Variants in NRXN1 observed in about 807,000 individuals in gnomAD.
NRXN1 encodes the protein neurexin-1.
NRXN1 carries 39 observed loss-of-function variants against 150.9 expected under a neutral mutation model. That is an observed-to-expected ratio of 0.26 (90% CI 0.20 to 0.34). The LOEUF (loss-of-function observed/expected upper bound fraction) is 0.34, where lower values mean the gene tolerates loss of function less well. NRXN1 is among the 10% of genes least tolerant of loss of function. The pLI, the probability that NRXN1 is intolerant of heterozygous loss-of-function variation, is 1.00. For synonymous variants in NRXN1, 924 were observed against 757.0 expected, an observed-to-expected ratio of 1.22 and a Z score of -3.62; for missense variants, 1,815 against 1,949.9, an observed-to-expected ratio of 0.93 and a Z score of 1.30.
At chr2:50,723,731 G>A (rs1267062101) in intron 5 of NRXN1, among the ~76,000 whole-genome samples, 3 of 152,148 alleles carry the variant, frequency 2.0e-5, no homozygotes, top group Admixed American at 6.5e-5. Flanking sequence ...TGCAGCCTGG[G>A]CTGCAGACAC....
intron 21 of NRXN1, among the ~76,000 whole-genome samples, chr2:49,946,420 C>T (rs1672898795): frequency 6.6e-6 from 1 of 152,060 alleles, no homozygotes; most frequent in African/African-American, 2.4e-5. Flanking sequence ...CTTTTGTTGC[C>T]ACTGCTTTTT....
intron 5 of NRXN1, among the ~76,000 whole-genome samples, chr2:50,776,807 A>T (rs1343606262): frequency 2.0e-5 from 3 of 152,008 alleles, no homozygotes; most frequent in Non-Finnish European, 2.9e-5. Context: ...ACTCTGAAAG[A>T]AATTTTATTC....
chr2:50,367,364 T>C (rs1348131429), intron 17 of NRXN1, among the ~76,000 whole-genome samples: 1 of 152,036 alleles, frequency 6.6e-6, no homozygotes, highest in Admixed American at 6.6e-5. Context: ...TGTGGGCTTA[T>C]TAGTAAGAAA....
chr2:50,744,689 T>G (rs1699812750), intron 5 of NRXN1, among the ~76,000 whole-genome samples: 1 of 152,138 alleles, frequency 6.6e-6, no homozygotes, highest in Non-Finnish European at 1.5e-5. Context: ...AGAGAGATAT[T>G]ACCTGTTTAA....
intron 2 of NRXN1, chr2:51,026,548 A>C: frequency 1.1e-6 from 1 of 930,226 alleles, no homozygotes; most frequent in Non-Finnish European, 1.7e-6. Flanking sequence ...GAACCACAGA[A>C]ATTACAACTT....
intron 18 of NRXN1, among the ~76,000 whole-genome samples, chr2:50,120,235 T>A (rs1387772057): frequency 6.6e-6 from 1 of 151,952 alleles, no homozygotes. Context: ...ATTAAAATTT[T>A]AAAAAATGGT....
chr2:50,497,302 T>C (rs2091690551), intron 14 of NRXN1, 31 bp downstream of exon 14: 2 of 1,428,018 alleles, frequency 1.4e-6, no homozygotes, highest in African/African-American at 2.8e-5. Flanking sequence ...CAAAGTTTTA[T>C]TTATTTGCTA....
chr2:50,873,360 G>T (rs575348961), intron 5 of NRXN1, among the ~76,000 whole-genome samples: 12 of 151,688 alleles, frequency 7.9e-5, no homozygotes, highest in Non-Finnish European at 1.6e-4. Flanking sequence ...TGTGCTTTGG[G>T]GTAATTGCTA....
intron 2 of NRXN1, among the ~76,000 whole-genome samples, chr2:50,966,958 G>A (rs1235257306): frequency 1.3e-5 from 2 of 151,988 alleles, no homozygotes; most frequent in South Asian, 2.1e-4. Flanking sequence ...TGCAGGCTTT[G>A]CTTTGGCAAA....
intron 21 of NRXN1, among the ~76,000 whole-genome samples, chr2:50,033,985 A>C (rs1473354451): frequency 1.3e-5 from 2 of 151,100 alleles, no homozygotes; most frequent in African/African-American, 2.4e-5. Context: ...AAAAAAAAAA[A>C]CAAACAGCAG....
intron 5 of NRXN1, among the ~76,000 whole-genome samples, chr2:50,626,826 A>G (rs139634988): frequency 4.6e-4 from 70 of 152,038 alleles, no homozygotes; most frequent in Non-Finnish European, 8.5e-4. Context: ...TGGAGAAAAT[A>G]TTTTCACTTC....
chr2:50,730,521 G>C (rs1697956198), intron 5 of NRXN1, among the ~76,000 whole-genome samples: 1 of 152,052 alleles, frequency 6.6e-6, no homozygotes, highest in Non-Finnish European at 1.5e-5. Flanking sequence ...CCTGCTTGTT[G>C]ACTAGTGCAG....
chr2:50,384,845 C>T (rs1292851735), intron 17 of NRXN1, among the ~76,000 whole-genome samples: 1 of 152,128 alleles, frequency 6.6e-6, no homozygotes, highest in African/African-American at 2.4e-5. Context: ...CTTTGATTCT[C>T]CCAGGTCTAT....
intron 10 of NRXN1, among the ~76,000 whole-genome samples, chr2:50,534,630 A>T (rs1057008445): frequency 6.6e-6 from 1 of 152,188 alleles, no homozygotes; most frequent in Non-Finnish European, 1.5e-5. Flanking sequence ...ATCATGACCC[A>T]TATCTGTAAA....
At chr2:50,866,487 G>C (rs140825533) in intron 5 of NRXN1, among the ~76,000 whole-genome samples, 1 of 151,868 alleles carries the variant, frequency 6.6e-6, no homozygotes, top group African/African-American at 2.4e-5. Flanking sequence ...TCTGACACAA[G>C]GTGAATAGTT....
intron 5 of NRXN1, among the ~76,000 whole-genome samples, chr2:50,823,325 C>T (rs915893240): frequency 6.6e-6 from 1 of 152,058 alleles, no homozygotes; most frequent in Admixed American, 6.6e-5. Flanking sequence ...TCAGTGCAGA[C>T]CTGGGGTTGC....
chr2:50,415,955 C>CAAA (rs10585013), intron 17 of NRXN1, among the ~76,000 whole-genome samples: 55 of 88,850 alleles, frequency 6.2e-4, no homozygotes, highest in African/African-American at 1.3e-3. Flanking sequence ...CAACAACATA[C>CAAA]AAAAAAAAAA....
rs1158995994 is a variant in NRXN1, at chr2:50,320,291, T to C, written c.3365-83321A>G. On this transcript the variant is annotated intron_variant, in intron 17 of 22. Coordinates refer to ENST00000401669, the MANE Select transcript of NRXN1 (RefSeq NM_001330078.2). ...TATTCTTATACCTCAATCATATATA[T>C]ATATATATATATATATATATATATA... Among the ~76,000 whole-genome samples, 529 of 88,596 alleles carry C rather than the reference T, an allele frequency of 6.0e-3. 8 individuals carry two copies. Among genetic ancestry groups the C allele is most frequent in the African/African-American group, 0.026 (471 of 17,862 alleles). The allele number at this position is 88,596 out of a possible 152,430, so 58.1% of individuals were successfully genotyped here. A position where few individuals can be genotyped will look rare whatever the true frequency, so the allele number is the denominator to read the frequency against.
intron 5 of NRXN1, among the ~76,000 whole-genome samples, chr2:50,629,637 T>G (rs1304521850): frequency 6.6e-6 from 1 of 151,730 alleles, no homozygotes; most frequent in African/African-American, 2.4e-5. Flanking sequence ...TTGAATAATC[T>G]GGATGATTAA....
Sources: gnomAD v4.1 joint callset for allele counts (sites outside exome capture counted in the v4.1 genomes callset) on GRCh38, gnomAD v4.1.1 for gene constraint, MANE v1.5 for transcripts, NCBI Gene and HGNC (gene_info 2026-07-23, HGNC 2026-07-21) for gene names.